Variants in EFHB observed in about 807,000 individuals in gnomAD.
The protein encoded by EFHB is EF-hand domain family member B.
EFHB carries 91 observed loss-of-function variants against 87.2 expected under a neutral mutation model. The observed-to-expected ratio is 1.04, with a 90% CI of 0.88 to 1.24. The LOEUF (loss-of-function observed/expected upper bound fraction) is 1.24. EFHB is among the 50% of genes most tolerant of loss of function. The probability of loss-of-function intolerance (pLI) is 0.00; values close to 1 mark genes in which losing one functional copy is unlikely to be tolerated. For missense variants in EFHB, 1,084 were observed against 998.8 expected, an observed-to-expected ratio of 1.09 and a Z score of -1.15; for synonymous variants, 325 against 333.6, an observed-to-expected ratio of 0.97 and a Z score of 0.28.
At chr3:19,903,869 G>T (rs1051751319) in intron 6 of EFHB, among the ~76,000 whole-genome samples, 5 of 152,158 alleles carry the variant, frequency 3.3e-5, no homozygotes, top group African/African-American at 1.2e-4. Context: ...TGATACGTCT[G>T]AGCTGCATGA....
Position 19,915,356 on chromosome 3 carries a change from T to C in EFHB, c.1235A>G (p.Glu412Gly), listed in dbSNP as rs1185174658. The C allele has an allele frequency of 2.5e-6, 4 of 1,613,388 alleles. No individual in the cohort carries two copies. In the East Asian group the frequency reaches 6.7e-5, roughly 27 times the overall value. Residue 412 changes from glutamate (E) to glycine (G), a missense_variant, in exon 5 of 13, where the codon GAA (glutamate) becomes GGA (glycine). By Grantham distance (98) the Glu-to-Gly change is moderately conservative. Coordinates refer to ENST00000295824, the MANE Select transcript of EFHB (RefSeq NM_144715.4). ...PPKSYEEVFK[E>G]GNEGHDLYVV... ...ATACAAATCATGTCCTTCATTTCCT[T>C]CTTTAAATACTTCTTCATAGGATTT... is the stretch of plus-strand genomic sequence containing the variant.
At position 19,933,226 on chromosome 3, in the gene EFHB, T is replaced by A. The variant is rs1695889561; in HGVS notation, c.789+4A>T. The A allele has an allele frequency of 6.2e-7, 1 of 1,609,450 alleles. No homozygotes were observed. Among genetic ancestry groups the A allele is most frequent in the Non-Finnish European group, 8.5e-7 (1 of 1,177,084 alleles). On this transcript the variant is annotated splice_donor_region_variant and intron_variant, in intron 1 of 12. Transcript: ENST00000295824. ...GTTCCTATGGAAAGTGGAAAAAAAC[T>A]TACACTTGGCCAGCAAGGGGTCCGA...
At chr3:19,880,475 C>G (rs969629216) in intron 12 of EFHB, among the ~76,000 whole-genome samples, 1 of 152,072 alleles carries the variant, frequency 6.6e-6, no homozygotes, top group Non-Finnish European at 1.5e-5. Context: ...TGGTCTTGAA[C>G]TCCTGACCTC....
chr3:19,922,928 G>T (rs988889839), intron 1 of EFHB, among the ~76,000 whole-genome samples: 6 of 151,748 alleles, frequency 4.0e-5, no homozygotes, highest in Admixed American at 3.3e-4. Context: ...ATTAATATTC[G>T]GGACTCTCCC....
chr3:19,888,569 T>C lies in EFHB; in HGVS notation c.1808A>G (p.Asp603Gly), dbSNP rs553536568. ...ANLSLDDKLLDQLFDYCDVDN... is the reference protein window; with the variant it reads ...ANLSLDDKLLGQLFDYCDVDN... ...CACATCACAGTAGTCAAATAGCTGG[T>C]CCAGGAGCTTGTCATCTAAACTCAA... Residue 603 changes from aspartate to glycine, a missense_variant, in exon 10 of 13, where the codon GAC (aspartate) becomes GGC (glycine). By Grantham distance (94) the Asp-to-Gly change is moderately conservative. Coordinates refer to ENST00000295824, the MANE Select transcript of EFHB (RefSeq NM_144715.4). 10 of 1,601,668 alleles carry C rather than the reference T, an allele frequency of 6.2e-6. No homozygotes were observed. The South Asian group carries it at 1.1e-4, about 18-fold the overall frequency.
intron 1 of EFHB, among the ~76,000 whole-genome samples, chr3:19,923,234 T>C (rs1222886939): frequency 1.3e-5 from 2 of 148,816 alleles, no homozygotes; most frequent in African/African-American, 5.0e-5. Flanking sequence ...GCCACTGCAC[T>C]CCAGCCTGGG....
At chr3:19,917,880 A>T (rs911395907) in intron 4 of EFHB, among the ~76,000 whole-genome samples, 1 of 152,210 alleles carries the variant, frequency 6.6e-6, no homozygotes, top group East Asian at 1.9e-4. Context: ...TCATGAACAC[A>T]TGTGAAGCAC....
intron 11 of EFHB, among the ~76,000 whole-genome samples, chr3:19,882,981 T>C (rs968460463): frequency 2.6e-5 from 4 of 152,150 alleles, no homozygotes; most frequent in African/African-American, 7.2e-5. Flanking sequence ...TGTTTCTTTT[T>C]TTAACATGAC....
intron 6 of EFHB, among the ~76,000 whole-genome samples, chr3:19,904,638 A>G (rs1345553301): frequency 1.3e-5 from 2 of 152,120 alleles, no homozygotes; most frequent in Non-Finnish European, 1.5e-5. Flanking sequence ...TTGTGTATCA[A>G]ATTTTCTTCT....
rs1695376485 is a variant in EFHB, at chr3:19,919,876, G to A, written c.953C>T (p.Ala318Val). The change falls in exon 3 of 13, where the codon GCA becomes GTA. Residue 318 changes from alanine to valine, a missense_variant. Transcript: ENST00000295824. ...TCTAATTCCATGTGTCAAATAAGGT[G>A]CAATCTGGGGATCATTTGCTCTTCC... Reference protein sequence around the residue: ...FYGRANDPQIAPYLTHGIRSK... With the variant: ...FYGRANDPQIVPYLTHGIRSK... 1.2e-6 allele frequency: 2 copies of A among 1,613,466 alleles called. No homozygotes were observed. Among genetic ancestry groups the A allele is most frequent in the Non-Finnish European group, 8.5e-7 (1 of 1,179,632 alleles).
intron 6 of EFHB, among the ~76,000 whole-genome samples, chr3:19,901,366 A>C (rs1694664735): frequency 6.6e-6 from 1 of 152,194 alleles, no homozygotes; most frequent in Non-Finnish European, 1.5e-5. Flanking sequence ...AATAACATTA[A>C]AATTAATAAA....
intron 1 of EFHB, among the ~76,000 whole-genome samples, chr3:19,946,701 C>T (rs902068842): frequency 6.6e-6 from 1 of 152,178 alleles, no homozygotes; most frequent in African/African-American, 2.4e-5. Flanking sequence ...GACAAGTTCC[C>T]TCTAATAAAG....
chr3:19,937,930 C>T (rs975675709), upstream of EFHB, among the ~76,000 whole-genome samples: 40 of 152,150 alleles, frequency 2.6e-4, no homozygotes, highest in Admixed American at 2.2e-3. Context: ...TTAGCTCCTG[C>T]GGCCTGACAG....
intron 1 of EFHB, among the ~76,000 whole-genome samples, chr3:19,930,540 A>G (rs1695793284): frequency 6.6e-6 from 1 of 152,172 alleles, no homozygotes; most frequent in Non-Finnish European, 1.5e-5. Context: ...TATAATCTGA[A>G]TTCTTTTTCT....
chr3:19,946,165 C>T (rs1443516998), intron 1 of EFHB: 1 of 152,194 alleles, frequency 6.6e-6, no homozygotes, highest in Non-Finnish European at 1.5e-5. Flanking sequence ...GTTCTGGAGC[C>T]AACCCGCCGC....
intron 1 of EFHB, among the ~76,000 whole-genome samples, chr3:19,939,313 C>A (rs1057124970): frequency 6.7e-6 from 1 of 150,342 alleles, no homozygotes. Flanking sequence ...CAAGACTCAA[C>A]CCAGGGATTA....
intron 8 of EFHB, 118 bp from the exon 9 acceptor site, chr3:19,896,959 G>T: frequency 1.1e-6 from 1 of 876,478 alleles, no homozygotes; most frequent in Non-Finnish European, 1.7e-6. Flanking sequence ...ATCTAACTCT[G>T]ACATGATTAT....
intron 3 of EFHB, 133 bp from the exon 4 acceptor site, chr3:19,918,545 G>T: frequency 4.7e-6 from 4 of 852,542 alleles, no homozygotes; most frequent in Non-Finnish European, 5.0e-6. Context: ...TATTGGCTTT[G>T]CTCACCTTCA....
In EFHB at chr3:19,918,411, G is replaced by C; in HGVS notation, c.998C>G (p.Ala333Gly). ...HGIRSKISVL[A>G]NTLINPQPIT... ...AGGCTGTGGGTTTATCAATGTGTTT[G>C]CCTAAAGAAATCATACAATGCACAA... The change falls in exon 4 of 13, where the codon GCA becomes GGA. Residue 333 changes from alanine to glycine, a missense_variant and splice_region_variant. By Grantham distance (60) the Ala-to-Gly change is moderately conservative. Coordinates refer to ENST00000295824, the MANE Select transcript of EFHB (RefSeq NM_144715.4). The C allele has an allele frequency of 6.3e-7, 1 of 1,580,566 alleles. No individual in the cohort carries two copies. Among genetic ancestry groups the C allele is most frequent in the Non-Finnish European group, 8.6e-7 (1 of 1,168,274 alleles).
Sources: allele counts gnomAD v4.1 joint callset (sites outside exome capture counted in the v4.1 genomes callset), GRCh38; gene constraint gnomAD v4.1.1; transcripts MANE v1.5; gene names NCBI Gene and HGNC (gene_info 2026-07-23, HGNC 2026-07-21).